Variants in SDK1 observed in about 807,000 individuals in gnomAD.
SDK1 encodes protein sidekick-1.
Under a neutral mutation model 245.5 loss-of-function variants are expected in SDK1, and 157 were observed. The observed-to-expected ratio is 0.64, with a 90% CI of 0.56 to 0.73. The LOEUF (loss-of-function observed/expected upper bound fraction) is 0.73, where lower values mean the gene tolerates loss of function less well. Ranked by LOEUF, SDK1 falls within the 30% of genes least tolerant of loss-of-function variation. The pLI, the probability that SDK1 is intolerant of heterozygous loss-of-function variation, is 0.00. For synonymous variants in SDK1, 1,647 were observed against 1,278.5 expected, an observed-to-expected ratio of 1.29 and a Z score of -6.15; for missense variants, 3,583 against 3,002.3, an observed-to-expected ratio of 1.19 and a Z score of -4.52.
chr7:4,218,262 A>C (rs1784945172), intron 38 of SDK1, among the ~76,000 whole-genome samples: 2 of 152,168 alleles, frequency 1.3e-5, no homozygotes, highest in African/African-American at 4.8e-5. Flanking sequence ...GCATGGTGGC[A>C]TGCGCCTGTA....
chr7:3,431,246 C>T, intron 1 of SDK1, among the ~76,000 whole-genome samples: 1 of 151,946 alleles, frequency 6.6e-6, no homozygotes, highest in East Asian at 1.9e-4. Context: ...CATACATGCT[C>T]TGCTTCCAAA....
chr7:3,479,028 G>C (rs749035592), intron 1 of SDK1, among the ~76,000 whole-genome samples: 46 of 152,144 alleles, frequency 3.0e-4, no homozygotes, highest in Non-Finnish European at 5.1e-4. Context: ...TAGAGGACTT[G>C]AGGTGTATTA....
intron 1 of SDK1, among the ~76,000 whole-genome samples, chr7:3,303,263 C>A (rs4722655): frequency 0.46 from 70,220 of 152,058 alleles, 16,274 homozygotes; most frequent in Admixed American, 0.52. Flanking sequence ...ATTGTTAGAG[C>A]AACCAGGTTC....
intron 44 of SDK1, among the ~76,000 whole-genome samples, chr7:4,248,110 G>C (rs1289765676): frequency 3.9e-5 from 6 of 152,130 alleles, no homozygotes; most frequent in African/African-American, 1.2e-4. Flanking sequence ...AGATTATTGA[G>C]CACACCCGTG....
At chr7:3,557,752 C>T (rs1779633466) in intron 1 of SDK1, among the ~76,000 whole-genome samples, 1 of 152,088 alleles carries the variant, frequency 6.6e-6, no homozygotes, top group South Asian at 2.1e-4. Context: ...GTTATTATCT[C>T]AGTTAAATTT....
At chr7:3,566,721 A>AAG (rs1491563776) in intron 1 of SDK1, among the ~76,000 whole-genome samples, 111 of 134,150 alleles carry the variant, frequency 8.3e-4, no homozygotes, top group African/African-American at 3.2e-3. Context: ...AACTACTGCC[A>AAG]AAAAAAAAAA....
intron 1 of SDK1, among the ~76,000 whole-genome samples, chr7:3,354,518 G>A (rs1050023482): frequency 6.6e-6 from 1 of 152,218 alleles, no homozygotes. Flanking sequence ...AAAGTTAACA[G>A]TCTTAACACT....
At chr7:3,504,184 G>A (rs200378195) in intron 1 of SDK1, among the ~76,000 whole-genome samples, 30 of 137,990 alleles carry the variant, frequency 2.2e-4, no homozygotes, top group Admixed American at 1.3e-3. Context: ...ATATATATAT[G>A]TGTGTGTGTG....
intron 1 of SDK1, among the ~76,000 whole-genome samples, chr7:3,460,765 C>G (rs943357849): frequency 6.6e-5 from 10 of 152,108 alleles, no homozygotes; most frequent in African/African-American, 1.9e-4. Flanking sequence ...ACAGCCAGCC[C>G]AATTGTTATA....
chr7:3,484,829 C>T (rs1029511088), intron 1 of SDK1, among the ~76,000 whole-genome samples: 1 of 152,168 alleles, frequency 6.6e-6, no homozygotes, highest in Admixed American at 6.5e-5. Context: ...CAAATGACAG[C>T]ATTTCATTTT....
At chr7:4,174,756 G>A (rs923325384) in intron 33 of SDK1, among the ~76,000 whole-genome samples, 2 of 152,154 alleles carry the variant, frequency 1.3e-5, no homozygotes, top group African/African-American at 4.8e-5. Context: ...CCTCAGCGTG[G>A]AGCCCATGGT....
chr7:3,580,894 G>C (rs1780457980), intron 1 of SDK1, among the ~76,000 whole-genome samples: 2 of 148,642 alleles, frequency 1.3e-5, no homozygotes, highest in South Asian at 4.3e-4. Flanking sequence ...CTTGAACTGA[G>C]GAGGCAGAAG....
intron 1 of SDK1, among the ~76,000 whole-genome samples, chr7:3,571,323 A>T (rs571658038): frequency 2.6e-5 from 4 of 151,570 alleles, no homozygotes; most frequent in Non-Finnish European, 5.9e-5. Flanking sequence ...TTTTTTTGAG[A>T]TGGGGATCTT....
chr7:3,745,606 G>A (rs1042695120), intron 4 of SDK1, among the ~76,000 whole-genome samples: 6 of 151,806 alleles, frequency 4.0e-5, no homozygotes, highest in Admixed American at 3.3e-4. Flanking sequence ...TCATTTAATC[G>A]CCTCCACAAT....
chr7:3,998,002 G>A (rs528611791), intron 14 of SDK1, among the ~76,000 whole-genome samples: 2 of 152,346 alleles, frequency 1.3e-5, no homozygotes, highest in Admixed American at 6.5e-5. Flanking sequence ...AAGAATGCCT[G>A]AGTCTGCAGC....
chr7:4,139,615 ATGTG>A (rs1176874900), intron 28 of SDK1, among the ~76,000 whole-genome samples: 1 of 36,890 alleles, frequency 2.7e-5, no homozygotes, highest in Middle Eastern at 0.018. Context: ...GTGTGTGTAT[ATGTG>A]TGTGTGTATA....
chr7:3,635,563 T>G (rs1782432370), intron 2 of SDK1, among the ~76,000 whole-genome samples: 1 of 152,208 alleles, frequency 6.6e-6, no homozygotes, highest in Non-Finnish European at 1.5e-5. Context: ...TTGAAAAAGT[T>G]TCTCTGGTTA....
chr7:3,740,897 C>G (rs1389773062), intron 4 of SDK1, among the ~76,000 whole-genome samples: 1 of 152,172 alleles, frequency 6.6e-6, no homozygotes, highest in Non-Finnish European at 1.5e-5. Flanking sequence ...TGAGGTCCTT[C>G]TTTTCTCAGA....
At chr7:3,592,416 C>T (rs760313119) in intron 1 of SDK1, among the ~76,000 whole-genome samples, 10 of 152,158 alleles carry the variant, frequency 6.6e-5, no homozygotes, top group African/African-American at 2.4e-4. Context: ...TTTCAGAAAC[C>T]GCCTTCTACT....
Sources: allele counts gnomAD v4.1 joint callset (sites outside exome capture counted in the v4.1 genomes callset), GRCh38; gene constraint gnomAD v4.1.1; transcripts MANE v1.5; gene names NCBI Gene and HGNC (gene_info 2026-07-23, HGNC 2026-07-21).